The following PRKG1 variants were observed in gnomAD, a reference collection of about 807,000 sequenced individuals.
The protein encoded by PRKG1 is protein kinase cGMP-dependent 1.
Under a neutral mutation model 88.1 loss-of-function variants are expected in PRKG1, and 35 were observed. The observed-to-expected ratio is 0.40, with a 90% confidence interval of 0.30 to 0.53. The LOEUF is 0.53. Among genes scored for constraint, PRKG1 ranks in the 20% least tolerant of loss-of-function variants. The pLI is 0.59. For synonymous variants in PRKG1, 303 were observed against 292.5 expected, an observed-to-expected ratio of 1.04 and a Z score of -0.37; for missense variants, 540 against 839.8, an observed-to-expected ratio of 0.64 and a Z score of 4.41.
chr10:51,379,245 A>G (rs1401192471), intron 2 of PRKG1, among the ~76,000 whole-genome samples: 1 of 152,224 alleles, frequency 6.6e-6, no homozygotes, highest in Non-Finnish European at 1.5e-5. Flanking sequence ...AATAATAACA[A>G]TAATGAAGAG....
chr10:51,144,347 A>G (rs1190253985), intron 1 of PRKG1, among the ~76,000 whole-genome samples: 1 of 152,126 alleles, frequency 6.6e-6, no homozygotes, highest in East Asian at 1.9e-4. Flanking sequence ...TCTACCTGTC[A>G]CTTACTATTG....
chr10:52,150,185 T>TAATAA (rs771689961), intron 8 of PRKG1, among the ~76,000 whole-genome samples: 1 of 149,632 alleles, frequency 6.7e-6, no homozygotes, highest in Admixed American at 6.7e-5. Flanking sequence ...ATAATAATAA[T>TAATAA]TTGATTGGCC....
intron 1 of PRKG1, among the ~76,000 whole-genome samples, chr10:51,135,451 A>C (rs1564613674): frequency 6.6e-6 from 1 of 152,212 alleles, no homozygotes; most frequent in African/African-American, 2.4e-5. Flanking sequence ...GGACTTATTC[A>C]GGGGCACTCA....
At chr10:51,504,781 T>C (rs1435965521) in intron 3 of PRKG1, among the ~76,000 whole-genome samples, 1 of 152,200 alleles carries the variant, frequency 6.6e-6, no homozygotes, top group Admixed American at 6.5e-5. Context: ...TTGTCTGTTA[T>C]TGATGTATAA....
intron 3 of PRKG1, among the ~76,000 whole-genome samples, chr10:51,706,529 AATAG>A (rs1327086407): frequency 6.7e-6 from 1 of 149,526 alleles, no homozygotes; most frequent in African/African-American, 2.5e-5. Context: ...TTTTTTTTTT[AATAG>A]ATAAAGAAAA....
chr10:51,956,617 G>C (rs1254682803), intron 5 of PRKG1, among the ~76,000 whole-genome samples: 1 of 151,982 alleles, frequency 6.6e-6, no homozygotes, highest in Non-Finnish European at 1.5e-5. Context: ...AAGTAATTCA[G>C]ATTTACAACT....
intron 5 of PRKG1, among the ~76,000 whole-genome samples, chr10:51,913,825 T>G (rs1842278692): frequency 6.6e-6 from 1 of 152,180 alleles, no homozygotes; most frequent in African/African-American, 2.4e-5. Context: ...GAGAAGCCAT[T>G]TTTAGTTTGT....
intron 4 of PRKG1, among the ~76,000 whole-genome samples, chr10:51,878,973 C>A (rs1027799742): frequency 6.6e-6 from 1 of 152,192 alleles, no homozygotes; most frequent in Non-Finnish European, 1.5e-5. Flanking sequence ...AGCTTTCCCA[C>A]ACAGAGGCAG....
At chr10:51,955,586 A>G (rs1487004380) in intron 5 of PRKG1, among the ~76,000 whole-genome samples, 1 of 152,170 alleles carries the variant, frequency 6.6e-6, no homozygotes, top group East Asian at 1.9e-4. Context: ...ATTCGATTTC[A>G]TTATTATGAT....
At chr10:52,054,658 G>A (rs1031520972) in intron 6 of PRKG1, 97 bp downstream of exon 6, 73 of 1,024,100 alleles carry the variant, frequency 7.1e-5, no homozygotes, top group Middle Eastern at 6.3e-4. Context: ...TGCTATATGA[G>A]TTTGTTCCAT....
At chr10:51,088,764 C>T (rs1844321441) in intron 1 of PRKG1, among the ~76,000 whole-genome samples, 1 of 150,892 alleles carries the variant, frequency 6.6e-6, no homozygotes, top group Non-Finnish European at 1.5e-5. Flanking sequence ...ATGTTACATC[C>T]TTGGAGCCCA....
intron 3 of PRKG1, among the ~76,000 whole-genome samples, chr10:51,623,246 G>A (rs1418918642): frequency 6.6e-6 from 1 of 152,172 alleles, no homozygotes. Flanking sequence ...TGTTGCCCAG[G>A]CTGGAGTGCA....
intron 2 of PRKG1, among the ~76,000 whole-genome samples, chr10:51,348,671 A>AG (rs1842168904): frequency 6.6e-6 from 1 of 152,212 alleles, no homozygotes; most frequent in Non-Finnish European, 1.5e-5. Flanking sequence ...TGAAGCTTTA[A>AG]GGAAGTCTAG....
chr10:51,412,724 A>T (rs1838128947), intron 2 of PRKG1, among the ~76,000 whole-genome samples: 1 of 152,178 alleles, frequency 6.6e-6, no homozygotes, highest in Non-Finnish European at 1.5e-5. Flanking sequence ...AAGCACAATG[A>T]TGTGGCTGGA....
intron 5 of PRKG1, among the ~76,000 whole-genome samples, chr10:52,009,457 A>C (rs1844826639): frequency 6.6e-6 from 1 of 152,154 alleles, no homozygotes; most frequent in Non-Finnish European, 1.5e-5. Context: ...CTAAGAATAC[A>C]GCTAACCAGG....
intron 2 of PRKG1, among the ~76,000 whole-genome samples, chr10:51,398,080 C>A (rs1009450776): frequency 1.3e-5 from 2 of 152,130 alleles, no homozygotes; most frequent in Admixed American, 6.6e-5. Flanking sequence ...TCATTTTGTG[C>A]ATCTTTAAGG....
At chr10:51,719,429 A>G (rs370025704) in intron 3 of PRKG1, among the ~76,000 whole-genome samples, 9 of 152,238 alleles carry the variant, frequency 5.9e-5, no homozygotes, top group African/African-American at 1.7e-4. Flanking sequence ...ATTCATAATC[A>G]TGAGAAAACA....
chr10:51,657,530 T>C (rs1840191559), intron 3 of PRKG1, among the ~76,000 whole-genome samples: 2 of 152,144 alleles, frequency 1.3e-5, no homozygotes, highest in Admixed American at 1.3e-4. Context: ...AAACTGTCCT[T>C]GTGCCCCAGG....
At chr10:51,812,968 C>T (rs1410310187) in intron 4 of PRKG1, among the ~76,000 whole-genome samples, 1 of 152,152 alleles carries the variant, frequency 6.6e-6, no homozygotes. Flanking sequence ...CAAGGTTCTC[C>T]TCTCCTTTGC....
Sources: allele counts gnomAD v4.1 joint callset (sites outside exome capture counted in the v4.1 genomes callset), GRCh38; gene constraint gnomAD v4.1.1; transcripts MANE v1.5; gene names NCBI Gene and HGNC (gene_info 2026-07-23, HGNC 2026-07-21).